Variants in KCNV1 observed in about 807,000 individuals in gnomAD.
KCNV1 encodes the protein potassium voltage-gated channel modifier subfamily V member 1.
In KCNV1, 2 loss-of-function variants were observed where a neutral mutation model predicts 36.4. The ratio of observed to expected loss-of-function variants is 0.05; its 90% CI spans 0.02 to 0.17. KCNV1 has a LOEUF of 0.17. KCNV1 is among the 10% of genes least tolerant of loss of function. KCNV1 has a pLI of 1.00. For missense variants in KCNV1, 321 were observed against 643.6 expected, an observed-to-expected ratio of 0.50 and a Z score of 5.42; for synonymous variants, 280 against 261.1, an observed-to-expected ratio of 1.07 and a Z score of -0.70.
rs1211033864 is a variant in KCNV1 at position 109,968,705 on chromosome 8, C to T, written c.992-106G>A. On this transcript the variant is annotated intron_variant, in intron 3 of 3. Coordinates refer to ENST00000524391, the MANE Select transcript of KCNV1 (RefSeq NM_014379.4). This position sits in a 1 kb window ranked among gnomAD's most constrained non-coding sequence, Gnocchi z 5.3. ...TCTGCCACCCACAAACTGCACTGCA[C>T]ACTTAAATGTCCCCAGCACTGGGCA... 4.6e-6 allele frequency: 5 copies of T among 1,096,154 alleles called. No homozygotes were observed. The East Asian group carries it at 9.9e-5, about 22-fold the overall frequency. The allele number at this position is 1,096,154 out of a possible 1,614,324, so 67.9% of individuals were successfully genotyped here. A position where few individuals can be genotyped will look rare whatever the true frequency, so the allele number is the denominator to read the frequency against.
In KCNV1 at chr8:109,968,965, C is replaced by T. The variant is rs549654569; in HGVS notation, c.992-366G>A. ...TAGTCTGTACAATAAGAGGCCTTTGCGGTGTTGCATGTGGAGGGCATATTT... is the reference window on the plus strand; with the variant it reads ...TAGTCTGTACAATAAGAGGCCTTTGTGGTGTTGCATGTGGAGGGCATATTT... On this transcript the variant is annotated intron_variant, in intron 3 of 3. Coordinates refer to ENST00000524391, the MANE Select transcript of KCNV1 (RefSeq NM_014379.4). The surrounding 1 kb of genome is among the most constrained non-coding windows in gnomAD (Gnocchi z 5.3). Among the ~76,000 whole-genome samples the T allele has an allele frequency of 6.2e-4, 94 of 152,154 alleles. No homozygotes were observed. Among genetic ancestry groups the T allele is most frequent in the Non-Finnish European group, 1.1e-3 (76 of 68,004 alleles).
rs917177563 is a variant in KCNV1, at chr8:109,967,868, G to A, written c.*220C>T. ...TATATTGGCCCAGTTGTATTTGGTT[G>A]TGTTAATTGGCTATTTTGGACACTC... On this transcript the variant is annotated 3_prime_UTR_variant, in exon 4 of 4. Transcript: ENST00000524391. The A allele has an allele frequency of 6.4e-6, 3 of 472,208 alleles. No homozygotes were observed. In the Admixed American group the frequency reaches 1.1e-4, roughly 17 times the overall value. 29.3% of individuals were successfully genotyped at this position (472,208 alleles called of 1,614,324 possible).
At position 109,969,639 on chromosome 8, in the gene KCNV1, G is replaced by A. The variant is rs147345651; in HGVS notation, c.992-1040C>T. Among the ~76,000 whole-genome samples, 827 of 152,174 alleles carry A rather than the reference G, an allele frequency of 5.4e-3. 5 individuals are homozygous for A. Among genetic ancestry groups the A allele is most frequent in the Non-Finnish European group, 9.6e-3 (653 of 67,998 alleles). ...AGGCAGGCAGATCATGAGGTCAGAAGTTTGAGACCAACCTGGCCAACATGG... is the reference window on the plus strand; with the variant it reads ...AGGCAGGCAGATCATGAGGTCAGAAATTTGAGACCAACCTGGCCAACATGG... On this transcript the variant is annotated intron_variant, in intron 3 of 3. Transcript: ENST00000524391.
Position 109,972,979 on chromosome 8 carries a change from C to CTTT in KCNV1, c.462-195_462-193dup, listed in dbSNP as rs113449582. On this transcript the variant is annotated intron_variant, in intron 2 of 3. Coordinates refer to ENST00000524391, the MANE Select transcript of KCNV1 (RefSeq NM_014379.4). This position sits in a 1 kb window ranked among gnomAD's most constrained non-coding sequence, Gnocchi z 5.2. ...TCCCTTAGAATTATGATTATTTTTC[C>CTTT]TTTTTTTTTTTTTTTTGAGACGGAG... Among the ~76,000 whole-genome samples the CTTT allele has an allele frequency of 4.4e-4, 59 of 134,486 alleles. No homozygotes were observed. The East Asian group carries it at 7.1e-3, about 16-fold the overall frequency. The allele number at this position is 134,486 out of a possible 152,430, so 88.2% of individuals were successfully genotyped here.
chr8:109,971,462 T>C lies in KCNV1; in HGVS notation c.991+796A>G, dbSNP rs114012100. 1.9e-3 allele frequency among the ~76,000 whole-genome samples: 291 copies of C among 152,274 alleles called. 3 individuals carry two copies. Among genetic ancestry groups the C allele is most frequent in the African/African-American group, 6.2e-3 (257 of 41,552 alleles). On this transcript the variant is annotated intron_variant, in intron 3 of 3. Transcript: ENST00000524391. ...ACTACTGTTGGGGATGCAAGAATCATTTTTAATCAGTTCCTGTGATTTTCA... is the reference window on the plus strand; with the variant it reads ...ACTACTGTTGGGGATGCAAGAATCACTTTTAATCAGTTCCTGTGATTTTCA...
At chr8:109,973,735 T>C (rs974395396) in intron 2 of KCNV1, among the ~76,000 whole-genome samples, 193 bp downstream of exon 2, 1 of 152,150 alleles carries the variant, frequency 6.6e-6, no homozygotes, top group Admixed American at 6.5e-5. Flanking sequence ...TTCAAAAAGT[T>C]CTATTCAAAA....
rs1300036086 is a variant in KCNV1 at position 109,965,456 on chromosome 8, A to T, written c.*2632T>A. 1 of 152,174 alleles carries T rather than the reference A, an allele frequency of 6.6e-6. No individual in the cohort carries two copies. Among genetic ancestry groups the T allele is most frequent in the Non-Finnish European group, 1.5e-5 (1 of 68,022 alleles). The allele number at this position is 152,174 out of a possible 1,614,324, so 9.4% of individuals were successfully genotyped here. A position where few individuals can be genotyped will look rare whatever the true frequency, so the allele number is the denominator to read the frequency against. The stretch of plus-strand genomic sequence containing the variant: ...ATACATTCATTGAATAAATAAAATG[A>T]TATTTTATTTAACAGCAAAATTGAG... On this transcript the variant is annotated 3_prime_UTR_variant, in exon 4 of 4. Coordinates refer to ENST00000524391, the MANE Select transcript of KCNV1 (RefSeq NM_014379.4).
chr8:109,973,599 C>T (rs1012228311), intron 2 of KCNV1, among the ~76,000 whole-genome samples: 52 of 152,282 alleles, frequency 3.4e-4, no homozygotes, highest in African/African-American at 1.2e-3. Context: ...TCTTTTATCC[C>T]TATGCATGCA....
Position 109,974,678 on chromosome 8 carries a change from A to C in KCNV1, c.-290T>G. 2.0e-6 allele frequency: 1 copy of C among 489,076 alleles called. No homozygotes were observed. Among genetic ancestry groups the C allele is most frequent in the Non-Finnish European group, 3.6e-6 (1 of 274,910 alleles). The allele number at this position is 489,076 out of a possible 1,614,324, so 30.3% of individuals were successfully genotyped here. ...GGATCAGGTGAGGTCCAAGCCCGAC[A>C]CAGTCCCTGTGCACACTGCCGGTCG... On this transcript the variant is annotated 5_prime_UTR_variant, in exon 2 of 4. Coordinates refer to ENST00000524391, the MANE Select transcript of KCNV1 (RefSeq NM_014379.4). The surrounding 1 kb of genome is among the most constrained non-coding windows in gnomAD (Gnocchi z 6.2).
Position 109,974,058 on chromosome 8 carries a change from G to C in KCNV1, c.331C>G (p.Arg111Gly). Reference sequence around the variant, plus strand: ...GTGCGGTAGTAGTGCAGGACATATCGGAACGCCTGCGAGCTGCGGTCGAAG... The same window carrying C: ...GTGCGGTAGTAGTGCAGGACATATCCGAACGCCTGCGAGCTGCGGTCGAAG... ...YFFDRSSQAF[R>G]YVLHYYRTGR... Residue 111 changes from arginine to glycine, a missense_variant, in exon 2 of 4, where the codon CGA becomes GGA. Physicochemically the swap from Arg to Gly is moderately radical, Grantham distance 125. This residue lies in a region of KCNV1 where 60 missense variants were observed against 160.5 expected (regional missense o/e 0.37). Transcript: ENST00000524391. This position sits in a 1 kb window ranked among gnomAD's most constrained non-coding sequence, Gnocchi z 6.2. 6.2e-7 allele frequency: 1 copy of C among 1,613,402 alleles called. No homozygotes were observed. The highest frequency in any genetic ancestry group is 8.5e-7 in the Non-Finnish European group (1 of 1,179,924).
In KCNV1 at chr8:109,965,626, T is replaced by G. The variant is rs1260188722; in HGVS notation, c.*2462A>C. On this transcript the variant is annotated 3_prime_UTR_variant, in exon 4 of 4. Transcript: ENST00000524391. ...TATGTATACACATAGTTTTTAATTT[T>G]TTTTATTTCCAACTACTATTTACTC... 6.6e-6 allele frequency: 1 copy of G among 152,180 alleles called. No individual in the cohort carries two copies. Among genetic ancestry groups the G allele is most frequent in the African/African-American group, 2.4e-5 (1 of 41,448 alleles). The allele number at this position is 152,180 out of a possible 1,614,324, so 9.4% of individuals were successfully genotyped here. A position where few individuals can be genotyped will look rare whatever the true frequency, so the allele number is the denominator to read the frequency against.
rs1035112026 is a variant in KCNV1 at position 109,968,171 on chromosome 8, G to A, written c.1420C>T (p.Arg474Trp). Residue 474 changes from arginine (R) to tryptophan (W), a missense_variant, in exon 4 of 4, where the codon CGG (arginine) becomes TGG (tryptophan). Arg to Trp is a moderately radical substitution (Grantham distance 101, BLOSUM62 -3). Transcript: ENST00000524391. This position sits in a 1 kb window ranked among gnomAD's most constrained non-coding sequence, Gnocchi z 5.3. ...AGTCGCAGCATCTCCATGATACTCCGGGCATAGACATCTCTCAAGTTAACA... is the reference window on the plus strand; with the variant it reads ...AGTCGCAGCATCTCCATGATACTCCAGGCATAGACATCTCTCAAGTTAACA... ...ISVNLRDVYARSIMEMLRLKG... is the reference protein window; with the variant it reads ...ISVNLRDVYAWSIMEMLRLKG... 3 of 1,614,030 alleles carry A rather than the reference G, an allele frequency of 1.9e-6. No individual in the cohort carries two copies. Among genetic ancestry groups the A allele is most frequent in the Non-Finnish European group, 1.7e-6 (2 of 1,179,998 alleles).
intron 3 of KCNV1, among the ~76,000 whole-genome samples, chr8:109,971,237 A>G (rs1237455737): frequency 1.3e-5 from 2 of 152,200 alleles, no homozygotes; most frequent in Non-Finnish European, 2.9e-5. Context: ...TCCAAGAACC[A>G]CCTACATCAA....
rs552737972 is a variant in KCNV1 at position 109,974,641 on chromosome 8, C to T, written c.-253G>A. 9.0e-6 allele frequency: 5 copies of T among 556,752 alleles called. No individual in the cohort carries two copies. The highest frequency in any genetic ancestry group is 4.5e-5 in the South Asian group (2 of 44,020). The allele number at this position is 556,752 out of a possible 1,614,324, so 34.5% of individuals were successfully genotyped here. ...GAGACAGGGAGCAGAGGAAGGGTCGCGCTAAGAGAGAGGATCAGGTGAGGT... is the reference window on the plus strand; with the variant it reads ...GAGACAGGGAGCAGAGGAAGGGTCGTGCTAAGAGAGAGGATCAGGTGAGGT... On this transcript the variant is annotated 5_prime_UTR_variant, in exon 2 of 4. Transcript: ENST00000524391. The surrounding 1 kb of genome is among the most constrained non-coding windows in gnomAD (Gnocchi z 6.2).
In KCNV1 at chr8:109,968,731, A is replaced by G. The variant is rs1819973836; in HGVS notation, c.992-132T>C. ...ACTTAAATGTCCCCAGCACTGGGCA[A>G]TGTTCTGGGGATACAAAGTTGATTA... is the stretch of plus-strand genomic sequence containing the variant. On this transcript the variant is annotated intron_variant, in intron 3 of 3. Transcript: ENST00000524391. The surrounding 1 kb of genome is among the most constrained non-coding windows in gnomAD (Gnocchi z 5.3). The G allele has an allele frequency of 2.4e-6, 2 of 850,832 alleles. No homozygotes were observed. The highest frequency in any genetic ancestry group is 3.4e-5 in the African/African-American group (2 of 58,570). The allele number at this position is 850,832 out of a possible 1,614,324, so 52.7% of individuals were successfully genotyped here.
intron 3 of KCNV1, among the ~76,000 whole-genome samples, chr8:109,970,062 A>G (rs1035814208): frequency 1.3e-5 from 2 of 152,266 alleles, no homozygotes; most frequent in Non-Finnish European, 2.9e-5. Context: ...CTCACTAGAG[A>G]CTATTTCAAA....
intron 1 of KCNV1, among the ~76,000 whole-genome samples, 173 bp from the exon 2 acceptor site, chr8:109,975,365 G>C (rs1463785140): frequency 6.6e-6 from 1 of 152,164 alleles, no homozygotes; most frequent in African/African-American, 2.4e-5. Flanking sequence ...AAGTTTCCCG[G>C]AGAGCAGGTG....
rs751592297 is a variant in KCNV1, at chr8:109,973,963, G to A, written c.426C>T (p.Ile142=). The A allele has an allele frequency of 5.0e-6, 8 of 1,612,558 alleles. No individual in the cohort carries two copies. Among genetic ancestry groups the A allele is most frequent in the Non-Finnish European group, 6.8e-6 (8 of 1,179,724 alleles). ...SFLQEIQYWG[I]DELSIDSCCR... ...AGCAGGAATCGATGCTGAGCTCATC[G>A]ATGCCCCAGTACTGGATCTCCTGCA... Residue 142 remains isoleucine, a synonymous_variant, in exon 2 of 4, where the codon ATC becomes ATT. Transcript: ENST00000524391.
In KCNV1 at chr8:109,972,591, C is replaced by A. The variant is rs1820025112; in HGVS notation, c.658G>T (p.Val220Leu). ...RIFGVISIIF[V>L]VVSIINMALM... ...GCCATGTTAATGATGGACACCACCA[C>A]GAAGATAATGGAGATGACGCCAAAG... Residue 220 changes from valine to leucine, a missense_variant, in exon 3 of 4, where the codon GTG becomes TTG. Transcript: ENST00000524391. This position sits in a 1 kb window ranked among gnomAD's most constrained non-coding sequence, Gnocchi z 5.2. The A allele has an allele frequency of 6.2e-7, 1 of 1,614,140 alleles. No individual in the cohort carries two copies. The highest frequency in any genetic ancestry group is 8.5e-7 in the Non-Finnish European group (1 of 1,180,030).
Sources: allele counts gnomAD v4.1 joint callset (sites outside exome capture counted in the v4.1 genomes callset), GRCh38; gene constraint gnomAD v4.1.1; regional missense constraint gnomAD v4.1.1; non-coding constraint Gnocchi (gnomAD v3.1); transcripts MANE v1.5; gene names NCBI Gene and HGNC (gene_info 2026-07-23, HGNC 2026-07-21).